NR1H3: variants seen among roughly 807,000 people sequenced by gnomAD.
NR1H3 encodes the protein oxysterols receptor LXR-alpha.
A neutral mutation model predicts 48.1 loss-of-function variants in NR1H3; 19 were observed. The ratio of observed to expected loss-of-function variants is 0.40; its 90% CI spans 0.28 to 0.58. NR1H3 has a LOEUF of 0.58. Ranked by LOEUF, NR1H3 falls within the 20% of genes least tolerant of loss-of-function variation. The pLI, the probability that NR1H3 is intolerant of heterozygous loss-of-function variation, is 0.50. For synonymous variants in NR1H3, 232 were observed against 227.3 expected, an observed-to-expected ratio of 1.02 and a Z score of -0.19; for missense variants, 486 against 595.9, an observed-to-expected ratio of 0.82 and a Z score of 1.92.
At chr11:47,262,467 G>A (rs952763893) in intron 7 of NR1H3, among the ~76,000 whole-genome samples, 2 of 151,926 alleles carry the variant, frequency 1.3e-5, no homozygotes, top group Non-Finnish European at 2.9e-5. Context: ...CCAAAGTGCT[G>A]GGATTACAGG....
At chr11:47,254,391 G>A (rs2135577387), upstream of NR1H3, among the ~76,000 whole-genome samples, 1 of 152,338 alleles carries the variant, frequency 6.6e-6, no homozygotes, top group East Asian at 1.9e-4. Flanking sequence ...CAGGGAGGTA[G>A]AGGAGGGAGC....
In NR1H3 at chr11:47,261,397, C is replaced by A. The variant is rs1236072317; in HGVS notation, c.656C>A (p.Ala219Asp). The A allele has an allele frequency of 6.2e-7, 1 of 1,614,102 alleles. No homozygotes were observed. Among genetic ancestry groups the A allele is most frequent in the African/African-American group, 1.3e-5 (1 of 74,934 alleles). ...CTGGGCATGATCGAGAAGCTCGTCG[C>A]TGCCCAGCAACAGTGTAACCGGCGC... ...EQLGMIEKLV[A>D]AQQQCNRRSF... is the part of the protein sequence containing the mutation. Residue 219 changes from alanine (A) to aspartate (D), a missense_variant, in exon 5 of 10, where the codon GCT (alanine) becomes GAT (aspartate). Ala to Asp is a moderately radical substitution (Grantham distance 126). Transcript: ENST00000441012.
chr11:47,253,144 T>TGTG (rs1554980530), upstream of NR1H3, among the ~76,000 whole-genome samples: 1 of 151,502 alleles, frequency 6.6e-6, no homozygotes, highest in African/African-American at 2.4e-5. Context: ...CGTGTGTGTG[T>TGTG]TTTCTGTAAA....
chr11:47,248,336 T>C (rs1278572977), upstream of NR1H3: 4 of 1,171,128 alleles, frequency 3.4e-6, no homozygotes, highest in East Asian at 2.6e-5. Flanking sequence ...CTGGAGACCA[T>C]AGGCAAAGCC....
upstream of NR1H3, among the ~76,000 whole-genome samples, chr11:47,253,746 G>A (rs1022176503): frequency 1.3e-5 from 2 of 152,170 alleles, no homozygotes; most frequent in African/African-American, 2.4e-5. Flanking sequence ...GTTCTGGGGG[G>A]CCAGATATGT....
intron 1 of NR1H3, among the ~76,000 whole-genome samples, chr11:47,252,805 A>G (rs1204572970): frequency 1.4e-5 from 2 of 145,666 alleles, no homozygotes; most frequent in Non-Finnish European, 3.0e-5. Flanking sequence ...AGCCTGACCT[A>G]GTGATCCACC....
At chr11:47,267,887 C>T (rs747635348) in intron 7 of NR1H3, 26 bp from the exon 8 acceptor site, 15 of 1,510,050 alleles carry the variant, frequency 9.9e-6, no homozygotes, top group African/African-American at 2.7e-5. Flanking sequence ...CTGCTGCTTG[C>T]GTCAGCCTCC....
At chr11:47,257,583 G>C (rs1049281529), upstream of NR1H3, 2 of 908,052 alleles carry the variant, frequency 2.2e-6, no homozygotes, top group Non-Finnish European at 2.6e-6. Flanking sequence ...TGGGAAAGCC[G>C]CTGGGGCTCA....
upstream of NR1H3, among the ~76,000 whole-genome samples, chr11:47,256,351 T>G (rs945715528): frequency 6.6e-6 from 1 of 152,216 alleles, no homozygotes; most frequent in African/African-American, 2.4e-5. Context: ...TATTTATTTT[T>G]CAACACACCA....
chr11:47,260,751 T>C, intron 4 of NR1H3, 76 bp downstream of exon 4: 2 of 1,490,866 alleles, frequency 1.3e-6, no homozygotes, highest in East Asian at 2.4e-5. Context: ...AACAGGTGCC[T>C]GAACTTGCAG....
In NR1H3 at chr11:47,268,825, A is replaced by G. The variant is rs16938582; in HGVS notation, c.*129A>G. Reference sequence around the variant, plus strand: ...CTGGGCAAGGAGATCCTCCCGTGGCATTAAAAGAGAGTCAAAGGGTTGCGA... The same window carrying G: ...CTGGGCAAGGAGATCCTCCCGTGGCGTTAAAAGAGAGTCAAAGGGTTGCGA... On this transcript the variant is annotated 3_prime_UTR_variant, in exon 10 of 10. Transcript: ENST00000441012. 276 of 1,212,216 alleles carry G rather than the reference A, an allele frequency of 2.3e-4. 2 individuals are homozygous for G. In the East Asian group the frequency reaches 6.4e-3, roughly 28 times the overall value. 75.1% of individuals were successfully genotyped at this position (1,212,216 alleles called of 1,614,324 possible). A position where few individuals can be genotyped will look rare whatever the true frequency, so the allele number is the denominator to read the frequency against.
In NR1H3 at chr11:47,261,475, G is replaced by A. The variant is rs55993545; in HGVS notation, c.708+26G>A. 3.0e-3 allele frequency: 4,901 copies of A among 1,611,084 alleles called. 27 individuals are homozygous for A. The highest frequency in any genetic ancestry group is 5.8e-3 in the Middle Eastern group (35 of 6,050). On this transcript the variant is annotated intron_variant, in intron 5 of 9. Coordinates refer to ENST00000441012, the MANE Select transcript of NR1H3 (RefSeq NM_005693.4). Reference sequence around the variant, plus strand: ...GTACTTGACACACCTGGGGAGAGGCGGCTGCGCCCAGATCACCAGTGGGCT... The same window carrying A: ...GTACTTGACACACCTGGGGAGAGGCAGCTGCGCCCAGATCACCAGTGGGCT...
At chr11:47,255,619 T>TCTCTCTC (rs1565178937), upstream of NR1H3, among the ~76,000 whole-genome samples, 15 of 83,066 alleles carry the variant, frequency 1.8e-4, no homozygotes, top group South Asian at 4.8e-4. Context: ...CTCTCTCTCT[T>TCTCTCTC]TCTTTCTTTC....
At chr11:47,260,744 A>G in intron 4 of NR1H3, 69 bp downstream of exon 4, 1 of 1,502,916 alleles carries the variant, frequency 6.7e-7, no homozygotes, top group Non-Finnish European at 8.9e-7. Flanking sequence ...GACCCAAAAC[A>G]GGTGCCTGAA....
At chr11:47,260,128 T>C in intron 3 of NR1H3, 149 bp downstream of exon 3, 1 of 834,022 alleles carries the variant, frequency 1.2e-6, no homozygotes, top group Non-Finnish European at 1.8e-6. Context: ...GATCTAAGTG[T>C]GAATTTTGTC....
At chr11:47,251,381 G>A (rs1016740201) in intron 1 of NR1H3, among the ~76,000 whole-genome samples, 3 of 152,048 alleles carry the variant, frequency 2.0e-5, no homozygotes, top group African/African-American at 4.8e-5. Flanking sequence ...GGAGGACGAG[G>A]CGGGTGGATC....
At chr11:47,255,551 T>TTCTTTCTTTC (rs1358417087), upstream of NR1H3, among the ~76,000 whole-genome samples, 5 of 56,664 alleles carry the variant, frequency 8.8e-5, no homozygotes, top group African/African-American at 3.5e-4. Flanking sequence ...TTTTCTTTCT[T>TTCTTTCTTTC]TCTTTCTTTC....
intron 1 of NR1H3, chr11:47,250,411 A>C (rs1358276567): frequency 6.6e-6 from 1 of 152,172 alleles, no homozygotes. Context: ...ACTGTGTCTC[A>C]AAAAGAAGAA....
rs562440934 is a variant in NR1H3, at chr11:47,261,151, T to C, written c.500-90T>C. 3.3e-5 allele frequency: 27 copies of C among 817,106 alleles called. No individual in the cohort carries two copies. The African/African-American group carries it at 4.7e-4, about 14-fold the overall frequency. The allele number at this position is 817,106 out of a possible 1,614,324, so 50.6% of individuals were successfully genotyped here. On this transcript the variant is annotated intron_variant, in intron 4 of 9. Transcript: ENST00000441012. ...TTCTGGAGCCCCAAACCACCCCCTT[T>C]GCCCCATCCTTCCCTCCTGTCTTTC...
Sources: allele counts gnomAD v4.1 joint callset (sites outside exome capture counted in the v4.1 genomes callset), GRCh38; gene constraint gnomAD v4.1.1; transcripts MANE v1.5; gene names NCBI Gene and HGNC (gene_info 2026-07-23, HGNC 2026-07-21).